The following CCNH variants were observed in gnomAD, a reference collection of about 807,000 sequenced individuals.
CCNH encodes the protein cyclin-H.
A neutral mutation model predicts 41.9 loss-of-function variants in CCNH; 31 were observed. The ratio of observed to expected loss-of-function variants is 0.74; its 90% CI spans 0.56 to 1.00. The LOEUF (loss-of-function observed/expected upper bound fraction) is 1.00. CCNH is among the 50% of genes least tolerant of loss of function. The pLI is 0.00. For synonymous variants in CCNH, 138 were observed against 136.1 expected (o/e 1.01, Z -0.10); for missense variants, 362 against 388.4 (o/e 0.93, Z 0.57).
At chr5:87,363,944 T>TA (rs546121629) in intron 9 of CCNH, among the ~76,000 whole-genome samples, 8 of 152,038 alleles carry the variant, frequency 5.3e-5, no homozygotes, top group Admixed American at 2.0e-4. Flanking sequence ...TATTTGAAAT[T>TA]AAAAAAAATT....
At chr5:87,317,493 A>G (rs1756428078), downstream of CCNH, among the ~76,000 whole-genome samples, 1 of 151,910 alleles carries the variant, frequency 6.6e-6, no homozygotes, top group African/African-American at 2.4e-5. Context: ...AATTTTCTCT[A>G]CTTTTTACTG....
intron 9 of CCNH, among the ~76,000 whole-genome samples, chr5:87,348,906 T>G (rs758989305): frequency 6.6e-6 from 1 of 152,002 alleles, no homozygotes; most frequent in Non-Finnish European, 1.5e-5. Context: ...CTAACTATGC[T>G]TAGGTTCCTT....
intron 9 of CCNH, among the ~76,000 whole-genome samples, chr5:87,324,263 A>G (rs1375961317): frequency 3.3e-5 from 5 of 152,198 alleles, no homozygotes; most frequent in Non-Finnish European, 5.9e-5. Context: ...GCCTCCTGCT[A>G]GTAGGTATTG....
chr5:87,356,383 A>ATT (rs11409141), intron 9 of CCNH, among the ~76,000 whole-genome samples: 7 of 141,764 alleles, frequency 4.9e-5, no homozygotes, highest in South Asian at 4.5e-4. Flanking sequence ...GATGATTGTT[A>ATT]TTTTTTTTTT....
At chr5:87,350,093 AT>A (rs1425218801) in intron 9 of CCNH, among the ~76,000 whole-genome samples, 4 of 151,860 alleles carry the variant, frequency 2.6e-5, no homozygotes, top group Admixed American at 1.3e-4. Context: ...AGTATTCTCT[AT>A]CTGAATTAGA....
At chr5:87,349,169 T>C (rs758861176) in intron 9 of CCNH, 71 of 1,601,136 alleles carry the variant, frequency 4.4e-5, no homozygotes, top group Non-Finnish European at 5.7e-5. Context: ...ATCTTTTCTT[T>C]TTTATTTGAT....
intron 7 of CCNH, among the ~76,000 whole-genome samples, chr5:87,395,373 T>C (rs986450906): frequency 1.3e-5 from 2 of 150,686 alleles, no homozygotes; most frequent in African/African-American, 2.4e-5. Flanking sequence ...TGTGAAAAAA[T>C]AGGAGCGAAT....
In CCNH at chr5:87,367,858, T is replaced by G. The variant is rs541476212; in HGVS notation, c.*90+24912A>C. 6.6e-5 allele frequency among the ~76,000 whole-genome samples: 10 copies of G among 152,280 alleles called. 1 individual carries two copies. The East Asian group carries it at 1.5e-3, about 23-fold the overall frequency. On this transcript the variant is annotated intron_variant and NMD_transcript_variant, in intron 9 of 9. Transcript: ENST00000645953. ...ATTCAAATTGTTTCTGTTTTAGAGG[T>G]AATGTATCTTTGTCTTTTCTCTTAG...
chr5:87,400,052 T>C (rs563975188), intron 6 of CCNH, among the ~76,000 whole-genome samples: 13 of 152,344 alleles, frequency 8.5e-5, no homozygotes, highest in Admixed American at 5.9e-4. Context: ...AGCAAACTAC[T>C]GTATCAGTAA....
At chr5:87,365,232 G>T (rs567135805) in intron 9 of CCNH, among the ~76,000 whole-genome samples, 1 of 152,180 alleles carries the variant, frequency 6.6e-6, no homozygotes, top group South Asian at 2.1e-4. Context: ...TTGTAGTAGA[G>T]ATATTTAACA....
Position 87,394,286 on chromosome 5 carries a change from G to A in CCNH, c.*160C>T, listed in dbSNP as rs1762741194. The A allele has an allele frequency of 7.5e-7, 1 of 1,333,638 alleles. No individual in the cohort carries two copies. The highest frequency in any genetic ancestry group is 3.4e-5 in the Admixed American group (1 of 29,558). The allele number at this position is 1,333,638 out of a possible 1,614,324, so 82.6% of individuals were successfully genotyped here. A position where few individuals can be genotyped will look rare whatever the true frequency, so the allele number is the denominator to read the frequency against. ...GTGCTATTCTAGCTCTTTTGAAGAT[G>A]GTTTATTTTACATAAAGTTACTGTG... On this transcript the variant is annotated 3_prime_UTR_variant, in exon 9 of 9. Coordinates refer to ENST00000256897, the MANE Select transcript of CCNH (RefSeq NM_001239.4).
chr5:87,331,090 G>A, intron 9 of CCNH: 1 of 951,484 alleles, frequency 1.1e-6, no homozygotes, highest in South Asian at 1.7e-5. Context: ...GAAGTAGGGA[G>A]ATGGGTAGAA....
intron 9 of CCNH, among the ~76,000 whole-genome samples, chr5:87,385,890 G>C (rs1019756056): frequency 6.6e-6 from 1 of 151,896 alleles, no homozygotes; most frequent in East Asian, 1.9e-4. Flanking sequence ...CTTAATAATG[G>C]ATATTTAGAT....
chr5:87,325,161 C>T (rs1057358418), intron 9 of CCNH, among the ~76,000 whole-genome samples: 2 of 151,982 alleles, frequency 1.3e-5, no homozygotes, highest in Non-Finnish European at 2.9e-5. Context: ...AGGAGAAGTA[C>T]TGAGCAAAAG....
intron 9 of CCNH, among the ~76,000 whole-genome samples, chr5:87,358,510 A>G (rs1759827575): frequency 6.6e-6 from 1 of 152,118 alleles, no homozygotes; most frequent in Non-Finnish European, 1.5e-5. Flanking sequence ...CTCTGTCTTC[A>G]AAGTATGTCT....
chr5:87,338,210 T>G, intron 9 of CCNH: 1 of 1,488,856 alleles, frequency 6.7e-7, no homozygotes. Context: ...ACTTAATTGA[T>G]AAGTACAAGA....
chr5:87,395,077 A>G lies in CCNH; in HGVS notation c.900T>C (p.Asp300=). The change falls in exon 8 of 9, where the codon GAT becomes GAC. Residue 300 remains aspartate, a synonymous_variant. Transcript: ENST00000256897. The part of the protein sequence containing the change: ...ITKKRKGYED[D]DYVSKKSKHE... The stretch of plus-strand genomic sequence containing the variant: ...GTTTGGATTTCTTTGAGACGTAATC[A>G]TCATCTTCATAGCCTTTCCTCTTCT... 2.5e-6 allele frequency: 4 copies of G among 1,611,800 alleles called. No individual in the cohort carries two copies. The Admixed American group carries it at 6.7e-5, about 27-fold the overall frequency.
downstream of CCNH, among the ~76,000 whole-genome samples, chr5:87,387,503 G>T (rs1205631544): frequency 1.3e-5 from 2 of 152,100 alleles, no homozygotes; most frequent in African/African-American, 4.8e-5. Context: ...AGATTTTCAG[G>T]TACTGAGTCA....
At chr5:87,315,197 A>C (rs1315236180), downstream of CCNH, among the ~76,000 whole-genome samples, 1 of 152,214 alleles carries the variant, frequency 6.6e-6, no homozygotes, top group Non-Finnish European at 1.5e-5. Context: ...ACTGCAGCAG[A>C]ATATCTGAAA....
Sources: allele counts gnomAD v4.1 joint callset (sites outside exome capture counted in the v4.1 genomes callset), GRCh38; gene constraint gnomAD v4.1.1; transcripts MANE v1.5; gene names NCBI Gene and HGNC (gene_info 2026-07-23, HGNC 2026-07-21).